The following RBMS2 variants were observed in gnomAD, a reference collection of about 807,000 sequenced individuals.
RBMS2 encodes the protein RNA-binding motif, single-stranded-interacting protein 2.
RBMS2 carries 38 observed loss-of-function variants against 58.4 expected under a neutral mutation model. The observed-to-expected ratio is 0.65, with a 90% CI of 0.50 to 0.85. The LOEUF (loss-of-function observed/expected upper bound fraction) is 0.85. Among genes scored for constraint, RBMS2 ranks in the 40% least tolerant of loss-of-function variants. The probability of loss-of-function intolerance (pLI) is 0.00; values close to 1 mark genes in which losing one functional copy is unlikely to be tolerated. For missense variants in RBMS2, 367 were observed against 503.7 expected (o/e 0.73, Z 2.60); for synonymous variants, 151 against 180.7 (o/e 0.84, Z 1.32).
chr12:56,533,509 G>T (rs567596603), intron 1 of RBMS2, among the ~76,000 whole-genome samples: 1 of 134,802 alleles, frequency 7.4e-6, no homozygotes, highest in African/African-American at 2.8e-5. Context: ...TCCACCTCCC[G>T]GGTTCAGGCA....
chr12:56,571,223 G>A (rs556553378), intron 4 of RBMS2, among the ~76,000 whole-genome samples: 2 of 152,268 alleles, frequency 1.3e-5, no homozygotes, highest in East Asian at 3.9e-4. Flanking sequence ...AGTGAACTCT[G>A]CATCTGGCTC....
chr12:56,530,352 T>G (rs924551609), intron 1 of RBMS2, among the ~76,000 whole-genome samples: 1 of 44,880 alleles, frequency 2.2e-5, no homozygotes, highest in African/African-American at 4.9e-5. Context: ...TCTTTTTCCT[T>G]TTTTTTTTTT....
At chr12:56,540,759 G>A (rs1341115415) in intron 1 of RBMS2, among the ~76,000 whole-genome samples, 1 of 152,094 alleles carries the variant, frequency 6.6e-6, no homozygotes, top group East Asian at 1.9e-4. Context: ...GTGAGGTCAA[G>A]CAACTTATCC....
intron 12 of RBMS2, 154 bp downstream of exon 12, chr12:56,588,528 C>T (rs538521209): frequency 1.1e-4 from 73 of 682,766 alleles, no homozygotes; most frequent in South Asian, 5.9e-4. Context: ...GTGCTCGCTT[C>T]GGCAGCATGC....
intron 1 of RBMS2, among the ~76,000 whole-genome samples, chr12:56,544,292 A>T (rs907850809): frequency 3.3e-5 from 5 of 152,030 alleles, no homozygotes; most frequent in African/African-American, 9.7e-5. Context: ...AAACCCATCT[A>T]TGCTGGGCAG....
At chr12:56,576,441 C>T (rs568745580) in intron 5 of RBMS2, among the ~76,000 whole-genome samples, 7 of 152,206 alleles carry the variant, frequency 4.6e-5, no homozygotes, top group Admixed American at 6.5e-5. Context: ...ACTTAGTAGC[C>T]ATTGTGGCCA....
intron 1 of RBMS2, chr12:56,539,882 T>C: frequency 4.2e-6 from 1 of 238,498 alleles, no homozygotes. Context: ...CTTCATTACA[T>C]TCCAGCTTCA....
Position 56,522,030 on chromosome 12 carries a change from C to G in RBMS2, c.7C>G (p.Leu3Val). 1.3e-6 allele frequency: 2 copies of G among 1,548,828 alleles called. No individual in the cohort carries two copies. Among genetic ancestry groups the G allele is most frequent in the Non-Finnish European group, 1.8e-6 (2 of 1,131,954 alleles). Residue 3 changes from leucine to valine, a missense_variant, in exon 1 of 14, where the codon CTA becomes GTA. Transcript: ENST00000262031. ...CCCTAACATTAAAGAGAAAATGCTGCTATCCGTGACTTCCAGGCCCGGGAT... is the reference window on the plus strand; with the variant it reads ...CCCTAACATTAAAGAGAAAATGCTGGTATCCGTGACTTCCAGGCCCGGGAT... ML[L>V]SVTSRPGIST...
In RBMS2 at chr12:56,586,879, C is replaced by T; in HGVS notation, c.904C>T (p.Pro302Ser). The change falls in exon 10 of 14, where the codon CCT becomes TCT. Residue 302 changes from proline to serine, a missense_variant. This residue lies in a region of RBMS2 where 220 missense variants were observed against 261.1 expected (regional missense o/e 0.84). Transcript: ENST00000262031. ...GACTCAGACATCTCCTCTACAAGTA[C>T]CTAACCCATCCTGGATGCACCACCA... ...RVTQTSPLQV[P>S]NPSWMHHHSY... is the part of the protein sequence containing the mutation. The T allele has an allele frequency of 6.2e-7, 1 of 1,613,884 alleles. No individual in the cohort carries two copies. Among genetic ancestry groups the T allele is most frequent in the South Asian group, 1.1e-5 (1 of 91,082 alleles).
At chr12:56,531,132 A>C (rs1367731316) in intron 1 of RBMS2, among the ~76,000 whole-genome samples, 2 of 152,060 alleles carry the variant, frequency 1.3e-5, no homozygotes, top group Non-Finnish European at 2.9e-5. Context: ...TGTTTATATA[A>C]TTTTGCATTG....
upstream of RBMS2, among the ~76,000 whole-genome samples, chr12:56,521,151 CA>C (rs1871675165): frequency 6.6e-6 from 1 of 152,040 alleles, no homozygotes. Flanking sequence ...ATAAATGGGC[CA>C]GGGGTGGTGG....
intron 1 of RBMS2, among the ~76,000 whole-genome samples, chr12:56,548,140 G>A (rs1480781329): frequency 2.0e-5 from 3 of 151,964 alleles, no homozygotes; most frequent in Non-Finnish European, 4.4e-5. Flanking sequence ...TTTGTACATA[G>A]TTGGTATTCA....
intron 1 of RBMS2, among the ~76,000 whole-genome samples, chr12:56,542,606 T>G (rs1055772200): frequency 6.7e-6 from 1 of 149,736 alleles, no homozygotes; most frequent in African/African-American, 2.5e-5. Context: ...TGGAGTGCAG[T>G]GGCCCGATCT....
At chr12:56,525,285 G>A (rs763931486) in intron 1 of RBMS2, among the ~76,000 whole-genome samples, 2 of 151,956 alleles carry the variant, frequency 1.3e-5, no homozygotes, top group African/African-American at 2.4e-5. Context: ...CCAGTGGCGC[G>A]ATCCTGGCTC....
chr12:56,527,658 T>C (rs959317258), intron 1 of RBMS2, among the ~76,000 whole-genome samples: 1 of 151,826 alleles, frequency 6.6e-6, no homozygotes, highest in Non-Finnish European at 1.5e-5. Context: ...AAAAAAACTT[T>C]AATGGCTATA....
At chr12:56,542,192 C>T (rs1484842721) in intron 1 of RBMS2, among the ~76,000 whole-genome samples, 4 of 151,862 alleles carry the variant, frequency 2.6e-5, no homozygotes, top group African/African-American at 7.3e-5. Context: ...GGACTACTTA[C>T]GGGCACATGC....
chr12:56,577,392 C>G (rs1026447933), intron 5 of RBMS2, among the ~76,000 whole-genome samples: 1 of 151,606 alleles, frequency 6.6e-6, no homozygotes, highest in African/African-American at 2.4e-5. Context: ...GCCTGGACAA[C>G]AAGAGCGAAA....
chr12:56,549,304 G>A lies in RBMS2; in HGVS notation c.67-13113G>A, dbSNP rs551885996. ...GCCACTGGGCCGGGCCAGAAATACA[G>A]CTTCTTTAAAGACAATGTTTTACTT... On this transcript the variant is annotated intron_variant, in intron 1 of 13. Coordinates refer to ENST00000262031, the MANE Select transcript of RBMS2 (RefSeq NM_002898.4). Among the ~76,000 whole-genome samples the A allele has an allele frequency of 4.3e-4, 65 of 151,890 alleles. 1 individual carries two copies. The highest frequency in any genetic ancestry group is 8.2e-4 in the Non-Finnish European group (56 of 67,918).
intron 1 of RBMS2, among the ~76,000 whole-genome samples, chr12:56,548,338 T>C (rs1288052807): frequency 6.6e-6 from 1 of 152,024 alleles, no homozygotes; most frequent in Non-Finnish European, 1.5e-5. Flanking sequence ...TCCCAGCTAC[T>C]TGGGAGGCTG....
Sources: gnomAD v4.1 joint callset for allele counts (sites outside exome capture counted in the v4.1 genomes callset) on GRCh38, gnomAD v4.1.1 for gene constraint, gnomAD v4.1.1 regional missense constraint, MANE v1.5 for transcripts, NCBI Gene and HGNC (gene_info 2026-07-23, HGNC 2026-07-21) for gene names.